The following TMEM260 variants were observed in gnomAD, a reference collection of about 807,000 sequenced individuals.
TMEM260 encodes transmembrane protein 260, also known as protein O-mannosyl-transferase TMEM260.
TMEM260 carries 82 observed loss-of-function variants against 88.9 expected under a neutral mutation model. The ratio of observed to expected loss-of-function variants is 0.92; its 90% CI spans 0.77 to 1.11. The LOEUF (loss-of-function observed/expected upper bound fraction) is 1.11. Among genes scored for constraint, TMEM260 ranks in the 50% least tolerant of loss-of-function variants. The pLI, the probability that TMEM260 is intolerant of heterozygous loss-of-function variation, is 0.00. For missense variants in TMEM260, 902 were observed against 853.4 expected (o/e 1.06, Z -0.71); for synonymous variants, 314 against 309.3 (o/e 1.02, Z -0.16).
downstream of TMEM260, among the ~76,000 whole-genome samples, chr14:56,655,340 T>C (rs1333748817): frequency 2.0e-5 from 3 of 147,696 alleles, no homozygotes; most frequent in African/African-American, 5.1e-5. Flanking sequence ...CAGTGAGCTA[T>C]CACGCCACTG....
chr14:56,620,084 G>T (rs1402896009), intron 10 of TMEM260, among the ~76,000 whole-genome samples: 1 of 152,126 alleles, frequency 6.6e-6, no homozygotes, highest in African/African-American at 2.4e-5. Context: ...GGAGCTAAAC[G>T]ATGAGAACTC....
chr14:56,615,812 CA>C, intron 7 of TMEM260, 131 bp from the exon 8 acceptor site: 1 of 608,192 alleles, frequency 1.6e-6, no homozygotes, highest in Non-Finnish European at 2.9e-6. Flanking sequence ...CTTTAAAAGA[CA>C]AAATTTTAAA....
chr14:56,600,618 A>G (rs912667277), intron 3 of TMEM260, among the ~76,000 whole-genome samples: 23 of 152,182 alleles, frequency 1.5e-4, no homozygotes, highest in African/African-American at 5.3e-4. Flanking sequence ...TGCAAATCCA[A>G]ACTTCAGTGA....
chr14:56,639,539 G>T lies in TMEM260; in HGVS notation c.1869+2941G>T, dbSNP rs1033462679. Among the ~76,000 whole-genome samples the T allele has an allele frequency of 4.6e-5, 7 of 152,248 alleles. No individual in the cohort carries two copies. In the East Asian group the frequency reaches 5.8e-4, roughly 13 times the overall value. On this transcript the variant is annotated intron_variant, in intron 15 of 15. Coordinates refer to ENST00000261556, the MANE Select transcript of TMEM260 (RefSeq NM_017799.4). Reference sequence around the variant, plus strand: ...AGGTGGAGCCAAGACAGCCAAATAGGAACAGCTCCAGTCTACAGCTCTCAG... The same window carrying T: ...AGGTGGAGCCAAGACAGCCAAATAGTAACAGCTCCAGTCTACAGCTCTCAG...
chr14:56,655,464 C>T (rs1346985454), downstream of TMEM260, among the ~76,000 whole-genome samples: 1 of 151,978 alleles, frequency 6.6e-6, no homozygotes, highest in East Asian at 1.9e-4. Context: ...AAACGAAAAT[C>T]CCCTTCTGAT....
At position 56,611,522 on chromosome 14, in the gene TMEM260, A is replaced by G. The variant is rs542637351; in HGVS notation, c.817-723A>G. ...TCTCACACAAGTCAGAATGGCTATTATATGAAAAAGTCAAAAAACATGCTG... is the reference window on the plus strand; with the variant it reads ...TCTCACACAAGTCAGAATGGCTATTGTATGAAAAAGTCAAAAAACATGCTG... On this transcript the variant is annotated intron_variant, in intron 6 of 15. Coordinates refer to ENST00000261556, the MANE Select transcript of TMEM260 (RefSeq NM_017799.4). Among the ~76,000 whole-genome samples the G allele has an allele frequency of 7.2e-5, 11 of 152,338 alleles. No individual in the cohort carries two copies. The East Asian group carries it at 1.2e-3, about 16-fold the overall frequency.
In TMEM260 at chr14:56,648,094, A is replaced by C. The variant is rs894913985; in HGVS notation, c.*597A>C. ...CTTGGAAATCACTAAAAAAAAAAAAAGTTAATTTGATGTTTGCTTATTTCA... is the reference window on the plus strand; with the variant it reads ...CTTGGAAATCACTAAAAAAAAAAAACGTTAATTTGATGTTTGCTTATTTCA... On this transcript the variant is annotated 3_prime_UTR_variant, in exon 16 of 16. Coordinates refer to ENST00000261556, the MANE Select transcript of TMEM260 (RefSeq NM_017799.4). The C allele has an allele frequency of 2.6e-5, 4 of 151,994 alleles. No homozygotes were observed. Among genetic ancestry groups the C allele is most frequent in the Admixed American group, 2.0e-4 (3 of 15,258 alleles). 9.4% of individuals were successfully genotyped at this position (151,994 alleles called of 1,614,324 possible).
At chr14:56,584,863 C>A in intron 1 of TMEM260, 138 bp from the exon 2 acceptor site, 1 of 643,680 alleles carries the variant, frequency 1.6e-6, no homozygotes, top group Non-Finnish European at 2.7e-6. Context: ...CTATTTCATG[C>A]TGTTAAATCT....
intron 15 of TMEM260, among the ~76,000 whole-genome samples, chr14:56,643,184 A>G (rs944967216): frequency 1.3e-5 from 2 of 152,252 alleles, no homozygotes; most frequent in African/African-American, 4.8e-5. Flanking sequence ...TCATCCTGAT[A>G]CCAAAGCCTG....
the TMEM260 span, among the ~76,000 whole-genome samples, chr14:56,661,556 GAGGGA>G: frequency 4.6e-5 from 6 of 129,222 alleles, no homozygotes; most frequent in South Asian, 3.0e-4. Context: ...GGGAGGGAGG[GAGGGA>G]AAGAGGGAAG....
chr14:56,641,178 C>G (rs1214077577), intron 15 of TMEM260, among the ~76,000 whole-genome samples: 1 of 151,456 alleles, frequency 6.6e-6, no homozygotes, highest in African/African-American at 2.4e-5. Flanking sequence ...CACAAAGATA[C>G]TCCTCGAGAA....
At chr14:56,589,135 C>T (rs1052164819) in intron 3 of TMEM260, among the ~76,000 whole-genome samples, 1 of 152,078 alleles carries the variant, frequency 6.6e-6, no homozygotes, top group Non-Finnish European at 1.5e-5. Context: ...TCTATATTCT[C>T]ATCCTTCATA....
chr14:56,646,846 A>C (rs1251734979), intron 15 of TMEM260, among the ~76,000 whole-genome samples: 1 of 144,078 alleles, frequency 6.9e-6, no homozygotes, highest in Non-Finnish European at 1.5e-5. Flanking sequence ...TCTTCTAAAG[A>C]AAGCTGTTTT....
Position 56,633,127 on chromosome 14 carries a change from T to G in TMEM260, c.1680T>G (p.Ile560Met), listed in dbSNP as rs763703788. Residue 560 changes from isoleucine to methionine, a missense_variant, in exon 13 of 16, where the codon ATT becomes ATG. Physicochemically the swap from Ile to Met is conservative, Grantham distance 10. Transcript: ENST00000261556. ...LEIVFNPEEW[I>M]KLTKSIYNWT... ...TTGTATTCAACCCTGAGGAATGGAT[T>G]AAACTTACAAAAAGTATCTATAACT... The G allele has an allele frequency of 6.2e-7, 1 of 1,613,594 alleles. No homozygotes were observed. The highest frequency in any genetic ancestry group is 1.1e-5 in the South Asian group (1 of 91,040).
At chr14:56,606,828 G>A (rs915078573) in intron 5 of TMEM260, among the ~76,000 whole-genome samples, 3 of 152,324 alleles carry the variant, frequency 2.0e-5, no homozygotes, top group East Asian at 1.9e-4. Flanking sequence ...CCGAGAGGAG[G>A]AGGTTGCAGT....
At chr14:56,585,596 G>A in intron 2 of TMEM260, 165 bp from the exon 3 acceptor site, 3 of 624,320 alleles carry the variant, frequency 4.8e-6, no homozygotes, top group Middle Eastern at 4.5e-4. Flanking sequence ...ATATTTATTT[G>A]TATTGCCTCA....
the TMEM260 span, among the ~76,000 whole-genome samples, chr14:56,660,473 T>G: frequency 2.6e-5 from 4 of 152,234 alleles, no homozygotes; most frequent in Non-Finnish European, 4.4e-5. Context: ...CAGGATAAAA[T>G]GGCTCTGAGC....
At chr14:56,621,811 G>A (rs1354396472) in intron 11 of TMEM260, 109 bp downstream of exon 11, 10 of 863,060 alleles carry the variant, frequency 1.2e-5, no homozygotes, top group African/African-American at 1.7e-5. Flanking sequence ...CATGATCACT[G>A]TTAGGTAGAA....
chr14:56,630,349 C>T (rs1314601195), intron 12 of TMEM260, among the ~76,000 whole-genome samples: 1 of 152,094 alleles, frequency 6.6e-6, no homozygotes, highest in Non-Finnish European at 1.5e-5. Context: ...TCCTGTTTCA[C>T]AGTCTTTCTT....
Sources: gnomAD v4.1 joint callset for allele counts (sites outside exome capture counted in the v4.1 genomes callset) on GRCh38, gnomAD v4.1.1 for gene constraint, MANE v1.5 for transcripts, NCBI Gene and HGNC (gene_info 2026-07-23, HGNC 2026-07-21) for gene names.